AP2B1: variants seen among roughly 807,000 people sequenced by gnomAD.
The protein encoded by AP2B1 is adaptor related protein complex 2 subunit beta 1.
In AP2B1, 23 loss-of-function variants were observed where a neutral mutation model predicts 102.0. The observed-to-expected ratio is 0.23, with a 90% CI of 0.16 to 0.32. The LOEUF (loss-of-function observed/expected upper bound fraction) is 0.32, where lower values mean the gene tolerates loss of function less well. Among genes scored for constraint, AP2B1 ranks in the 10% least tolerant of loss-of-function variants. The pLI, the probability that AP2B1 is intolerant of heterozygous loss-of-function variation, is 1.00. For synonymous variants in AP2B1, 381 were observed against 421.2 expected, an observed-to-expected ratio of 0.90 and a Z score of 1.17; for missense variants, 541 against 1,157.4, an observed-to-expected ratio of 0.47 and a Z score of 7.73.
At chr17:35,607,486 T>C (rs530899982) in intron 4 of AP2B1, among the ~76,000 whole-genome samples, 1 of 152,366 alleles carries the variant, frequency 6.6e-6, no homozygotes, top group Non-Finnish European at 1.5e-5. Flanking sequence ...TGCATAGATT[T>C]ACATGGGCTT....
intron 21 of AP2B1, among the ~76,000 whole-genome samples, chr17:35,719,722 G>A (rs375912648): frequency 4.6e-5 from 7 of 152,212 alleles, no homozygotes; most frequent in East Asian, 3.8e-4. Context: ...GTGACCTGGT[G>A]TGGTGGCTCA....
chr17:35,715,858 G>T (rs1409722714), intron 20 of AP2B1, among the ~76,000 whole-genome samples: 1 of 152,176 alleles, frequency 6.6e-6, no homozygotes, highest in Non-Finnish European at 1.5e-5. Flanking sequence ...ACTAAGTGTG[G>T]TAAAAATGTC....
chr17:35,632,250 T>C (rs1312955560), intron 9 of AP2B1, among the ~76,000 whole-genome samples: 5 of 152,134 alleles, frequency 3.3e-5, no homozygotes, highest in Non-Finnish European at 2.9e-5. Context: ...TTCTCCTGCC[T>C]CAGCCTCCAG....
At position 35,627,498 on chromosome 17, in the gene AP2B1, TTGC is replaced by T; in HGVS notation, c.1054_1056del (p.Ala352del). The stretch of plus-strand genomic sequence containing the variant: ...ATTCGTTTGGCATCTCAAGCCAACA[TTGC>T]TCAGGTCAGACTTTATGCAGACTCA... On this transcript the variant is annotated inframe_deletion, in exon 8 of 22. Coordinates refer to ENST00000610402, the MANE Select transcript of AP2B1 (RefSeq NM_001030006.2). 1 of 1,614,122 alleles carries T rather than the reference TTGC, an allele frequency of 6.2e-7. No individual in the cohort carries two copies. The highest frequency in any genetic ancestry group is 8.5e-7 in the Non-Finnish European group (1 of 1,180,014).
At chr17:35,716,352 A>G (rs2076551094) in intron 20 of AP2B1, among the ~76,000 whole-genome samples, 1 of 152,222 alleles carries the variant, frequency 6.6e-6, no homozygotes, top group African/African-American at 2.4e-5. Flanking sequence ...ATAACCTTTA[A>G]TTCTGGAACG....
intron 18 of AP2B1, among the ~76,000 whole-genome samples, chr17:35,706,811 A>G (rs894818400): frequency 2.0e-5 from 3 of 151,408 alleles, no homozygotes; most frequent in Non-Finnish European, 4.4e-5. Flanking sequence ...CAACTAATAT[A>G]TATATATTTT....
chr17:35,628,008 G>A (rs188755138), intron 9 of AP2B1, among the ~76,000 whole-genome samples: 93 of 152,232 alleles, frequency 6.1e-4, no homozygotes, highest in Non-Finnish European at 1.1e-3. Flanking sequence ...TCAGCTAACT[G>A]CGGATCAAAA....
chr17:35,665,936 G>A (rs1305041177), intron 14 of AP2B1, among the ~76,000 whole-genome samples: 1 of 152,218 alleles, frequency 6.6e-6, no homozygotes, highest in African/African-American at 2.4e-5. Context: ...AGTCCGCTCA[G>A]TGGTTATCTC....
chr17:35,652,722 T>G (rs894410016), intron 13 of AP2B1, among the ~76,000 whole-genome samples: 1 of 152,332 alleles, frequency 6.6e-6, no homozygotes, highest in South Asian at 2.1e-4. Flanking sequence ...TTATATCTTT[T>G]CATTGAACTC....
intron 1 of AP2B1, among the ~76,000 whole-genome samples, chr17:35,589,714 G>A (rs1381227935): frequency 2.0e-5 from 3 of 152,132 alleles, no homozygotes; most frequent in African/African-American, 4.8e-5. Flanking sequence ...AGGCCATACC[G>A]TAAATCCTCA....
intron 21 of AP2B1, among the ~76,000 whole-genome samples, chr17:35,718,110 A>G (rs782080836): frequency 1.9e-4 from 29 of 152,086 alleles, no homozygotes; most frequent in African/African-American, 3.1e-4. Flanking sequence ...ATGGGGATCT[A>G]TTTATTTCTG....
At position 35,671,763 on chromosome 17, in the gene AP2B1, T is replaced by G; in HGVS notation, c.2041T>G (p.Ser681Ala). Residue 681 changes from serine to alanine, a missense_variant, in exon 16 of 22, where the codon TCC becomes GCC. By Grantham distance (99) the Ser-to-Ala change is moderately conservative. Transcript: ENST00000610402. ...GIGGSPAVGQ[S>A]FIPSSVPATF... is the part of the protein sequence containing the mutation. ...TTTTTTTCTCCTGCAGGTGGGACAA[T>G]CCTTCATCCCATCATCGGTGCCTGC... is the stretch of plus-strand genomic sequence containing the variant. The G allele has an allele frequency of 6.2e-7, 1 of 1,613,206 alleles. No homozygotes were observed. The highest frequency in any genetic ancestry group is 8.5e-7 in the Non-Finnish European group (1 of 1,179,504).
intron 17 of AP2B1, among the ~76,000 whole-genome samples, chr17:35,682,260 CAAA>C (rs11287908): frequency 6.7e-5 from 9 of 134,744 alleles, no homozygotes; most frequent in Non-Finnish European, 9.4e-5. Flanking sequence ...ACCCTATCTC[CAAA>C]AAAAAAAAAA....
chr17:35,657,291 A>G (rs2075253891), intron 13 of AP2B1, among the ~76,000 whole-genome samples: 1 of 152,236 alleles, frequency 6.6e-6, no homozygotes, highest in South Asian at 2.1e-4. Context: ...CAGTTTCTAC[A>G]GAGAACCATA....
intron 17 of AP2B1, among the ~76,000 whole-genome samples, chr17:35,681,251 C>G (rs1245223067): frequency 6.6e-6 from 1 of 152,016 alleles, no homozygotes; most frequent in East Asian, 1.9e-4. Context: ...TAGACTAGCT[C>G]TTTCCCAGTG....
intron 21 of AP2B1, among the ~76,000 whole-genome samples, chr17:35,720,567 ATATATATTTTTTTTTT>A (rs1163057663): frequency 1.9e-4 from 10 of 52,334 alleles, no homozygotes; most frequent in East Asian, 1.2e-3. Context: ...ATATATATAT[ATATATATTTTTTTTTT>A]TTTTTTTTTT....
intron 9 of AP2B1, among the ~76,000 whole-genome samples, chr17:35,636,098 AG>A (rs1164926653): frequency 6.6e-6 from 1 of 152,152 alleles, no homozygotes; most frequent in Non-Finnish European, 1.5e-5. Flanking sequence ...ATACATCATG[AG>A]GAACATCCTT....
At chr17:35,662,921 TG>T (rs2142910135) in intron 14 of AP2B1, among the ~76,000 whole-genome samples, 1 of 152,360 alleles carries the variant, frequency 6.6e-6, no homozygotes, top group East Asian at 1.9e-4. Context: ...GATTTCATCC[TG>T]GAGAAATATG....
intron 18 of AP2B1, among the ~76,000 whole-genome samples, chr17:35,687,294 AT>A (rs950127369): frequency 6.6e-6 from 1 of 151,684 alleles, no homozygotes; most frequent in African/African-American, 2.4e-5. Flanking sequence ...ATTTTTTAAA[AT>A]TTTTTGTAGA....
Sources: gnomAD v4.1 joint callset for allele counts (sites outside exome capture counted in the v4.1 genomes callset) on GRCh38, gnomAD v4.1.1 for gene constraint, MANE v1.5 for transcripts, NCBI Gene and HGNC (gene_info 2026-07-23, HGNC 2026-07-21) for gene names.